Variants in CDH4 observed in about 807,000 individuals in gnomAD.
CDH4 encodes the protein cadherin-4.
CDH4 carries 33 observed loss-of-function variants against 86.0 expected under a neutral mutation model. The ratio of observed to expected loss-of-function variants is 0.38; its 90% CI spans 0.29 to 0.51. The LOEUF (loss-of-function observed/expected upper bound fraction) is 0.51, where lower values mean the gene tolerates loss of function less well. Among genes scored for constraint, CDH4 ranks in the 20% least tolerant of loss-of-function variants. CDH4 has a pLI of 0.86. For missense variants in CDH4, 1,114 were observed against 1,307.4 expected (o/e 0.85, Z 2.28); for synonymous variants, 555 against 549.4 (o/e 1.01, Z -0.14).
At chr20:61,678,889 A>G (rs778411832) in intron 2 of CDH4, among the ~76,000 whole-genome samples, 10 of 152,194 alleles carry the variant, frequency 6.6e-5, no homozygotes, top group Middle Eastern at 3.2e-3. Flanking sequence ...CTCTAATTAC[A>G]CTGGCAGATA....
chr20:61,828,237 GAA>G (rs1330375028), intron 4 of CDH4, among the ~76,000 whole-genome samples: 1 of 152,148 alleles, frequency 6.6e-6, no homozygotes, highest in Non-Finnish European at 1.5e-5. Context: ...GAGAGACCAA[GAA>G]AAAGAGAGAA....
chr20:61,606,187 C>T lies in CDH4; in HGVS notation c.170-137376C>T, dbSNP rs573112613. Among the ~76,000 whole-genome samples, 14 of 152,290 alleles carry T rather than the reference C, an allele frequency of 9.2e-5. No individual in the cohort carries two copies. In the South Asian group the frequency reaches 2.7e-3, roughly 29 times the overall value. Reference sequence around the variant, plus strand: ...ACCTCCCCCTGTGGCTCAATGTCCACGCAGCAGATGTGGATAGAAGGTGGC... The same window carrying T: ...ACCTCCCCCTGTGGCTCAATGTCCATGCAGCAGATGTGGATAGAAGGTGGC... On this transcript the variant is annotated intron_variant, in intron 2 of 15. Transcript: ENST00000614565.
In CDH4 at chr20:61,393,787, T is replaced by TA. The variant is rs1318800687; in HGVS notation, c.169+138851dup. Reference sequence around the variant, plus strand: ...TCCTGGAGACCGTGCAGTGAACTCTTACACCCCAGGGCTCAGTGTGTGAGA... The same window carrying TA: ...TCCTGGAGACCGTGCAGTGAACTCTTAACACCCCAGGGCTCAGTGTGTGAGA... On this transcript the variant is annotated intron_variant, in intron 2 of 15. Transcript: ENST00000614565. The surrounding 1 kb of genome is among the most constrained non-coding windows in gnomAD (Gnocchi z 4.3). 6.6e-6 allele frequency among the ~76,000 whole-genome samples: 1 copy of TA among 152,076 alleles called. No homozygotes were observed. The highest frequency in any genetic ancestry group is 2.4e-5 in the African/African-American group (1 of 41,400).
At position 61,392,866 on chromosome 20, in the gene CDH4, G is replaced by A. The variant is rs2084994224; in HGVS notation, c.169+137929G>A. 2.0e-5 allele frequency among the ~76,000 whole-genome samples: 3 copies of A among 151,984 alleles called. No homozygotes were observed. The South Asian group carries it at 6.3e-4, about 32-fold the overall frequency. On this transcript the variant is annotated intron_variant, in intron 2 of 15. Coordinates refer to ENST00000614565, the MANE Select transcript of CDH4 (RefSeq NM_001794.5). The surrounding 1 kb of genome is among the most constrained non-coding windows in gnomAD (Gnocchi z 5.7). Reference sequence around the variant, plus strand: ...TCCATTAGCCCCTCCACCATCCCCTGTGTCACTGCACTAAGTAAAGCCAGT... The same window carrying A: ...TCCATTAGCCCCTCCACCATCCCCTATGTCACTGCACTAAGTAAAGCCAGT...
intron 2 of CDH4, among the ~76,000 whole-genome samples, chr20:61,322,798 G>T (rs533317363): frequency 6.6e-6 from 1 of 152,214 alleles, no homozygotes; most frequent in Non-Finnish European, 1.5e-5. Context: ...TGGGGTGGGG[G>T]CCCCTGGTTC....
chr20:61,485,075 G>A (rs73915070), intron 2 of CDH4, among the ~76,000 whole-genome samples: 2,265 of 152,206 alleles, frequency 0.015, 63 homozygotes, highest in African/African-American at 0.053. Context: ...GCTTCATTTC[G>A]TGAAATGAAT....
rs2087449057 is a variant in CDH4, at chr20:61,676,793, G to A, written c.170-66770G>A. Among the ~76,000 whole-genome samples the A allele has an allele frequency of 6.6e-6, 1 of 152,254 alleles. No individual in the cohort carries two copies. The highest frequency in any genetic ancestry group is 2.4e-5 in the African/African-American group (1 of 41,462). The stretch of plus-strand genomic sequence containing the variant: ...CTGCGAGAAAGGGAAAGTGGGATCA[G>A]GATGAGGCTTGGAGTGGAAGGGGGT... On this transcript the variant is annotated intron_variant, in intron 2 of 15. Coordinates refer to ENST00000614565, the MANE Select transcript of CDH4 (RefSeq NM_001794.5). The surrounding 1 kb of genome is among the most constrained non-coding windows in gnomAD (Gnocchi z 4.5).
At chr20:61,773,241 C>A in intron 4 of CDH4, 59 bp downstream of exon 4, 1 of 1,435,406 alleles carries the variant, frequency 7.0e-7, no homozygotes, top group South Asian at 1.5e-5. Flanking sequence ...AGGCTCTTCT[C>A]CCGACATCCC....
intron 2 of CDH4, among the ~76,000 whole-genome samples, chr20:61,584,702 T>G (rs2086456693): frequency 6.6e-6 from 1 of 151,814 alleles, no homozygotes; most frequent in African/African-American, 2.4e-5. Context: ...GTGTGCTTAG[T>G]GGGGGTGGGG....
intron 4 of CDH4, among the ~76,000 whole-genome samples, chr20:61,817,649 G>A (rs1980792495): frequency 6.6e-6 from 1 of 152,152 alleles, no homozygotes; most frequent in African/African-American, 2.4e-5. Flanking sequence ...AGTGCCCCGA[G>A]GTCACAGGTG....
At chr20:61,915,307 C>G (rs1434146393) in intron 9 of CDH4, among the ~76,000 whole-genome samples, 15 of 152,224 alleles carry the variant, frequency 9.9e-5, no homozygotes, top group Non-Finnish European at 1.5e-5. Flanking sequence ...AGGCTGAGGG[C>G]TGGCTGGGCT....
At chr20:61,776,130 T>C (rs937774324) in intron 4 of CDH4, among the ~76,000 whole-genome samples, 8 of 152,168 alleles carry the variant, frequency 5.3e-5, no homozygotes, top group African/African-American at 1.7e-4. Flanking sequence ...GTCCTGTTGA[T>C]GAGAACGTTT....
rs2088371827 is a variant in CDH4 at position 61,743,666 on chromosome 20, G to A, written c.273G>A (p.Leu91=). Residue 91 remains leucine (L), a synonymous_variant, in exon 3 of 16, where the codon CTG becomes CTA. Coordinates refer to ENST00000614565, the MANE Select transcript of CDH4 (RefSeq NM_001794.5). The part of the protein sequence containing the change: ...ADGTVFATRE[L]QVPSEQVAFT... Reference sequence around the variant, plus strand: ...GGACAGTCTTCGCCACCCGGGAGCTGCAGGTCCCCTCCGAGCAGGTGGCGT... The same window carrying A: ...GGACAGTCTTCGCCACCCGGGAGCTACAGGTCCCCTCCGAGCAGGTGGCGT... The A allele has an allele frequency of 1.2e-6, 2 of 1,602,764 alleles. No homozygotes were observed. Among genetic ancestry groups the A allele is most frequent in the Non-Finnish European group, 1.7e-6 (2 of 1,174,812 alleles).
intron 2 of CDH4, among the ~76,000 whole-genome samples, chr20:61,444,597 A>G (rs1276362120): frequency 1.1e-5 from 1 of 91,144 alleles, no homozygotes; most frequent in Non-Finnish European, 2.2e-5. Context: ...ATCTGTGTGT[A>G]TATGTATGTG....
intron 2 of CDH4, among the ~76,000 whole-genome samples, chr20:61,341,090 T>C (rs1463667880): frequency 6.6e-6 from 1 of 152,222 alleles, no homozygotes; most frequent in Non-Finnish European, 1.5e-5. Context: ...ACAGTCACGA[T>C]CCTGGCCTTC....
At position 61,879,556 on chromosome 20, in the gene CDH4, C is replaced by T. The variant is rs1460958190; in HGVS notation, c.1050+5656C>T. Among the ~76,000 whole-genome samples, 1 of 152,136 alleles carries T rather than the reference C, an allele frequency of 6.6e-6. No homozygotes were observed. The highest frequency in any genetic ancestry group is 1.5e-5 in the Non-Finnish European group (1 of 68,030). ...TAGGCAGAGCTATGTAAATTGAGCG[C>T]TTCTACTTGATTAAGATGTCAGGAG... On this transcript the variant is annotated intron_variant, in intron 7 of 15. Transcript: ENST00000614565. This position sits in a 1 kb window ranked among gnomAD's most constrained non-coding sequence, Gnocchi z 4.1.
intron 2 of CDH4, among the ~76,000 whole-genome samples, chr20:61,413,190 GC>G (rs1343179182): frequency 1.1e-4 from 9 of 84,986 alleles, no homozygotes; most frequent in South Asian, 3.7e-4. Context: ...GAGCTTCCCC[GC>G]CCCCCACCCC....
At chr20:61,291,183 C>T (rs1324144489) in intron 2 of CDH4, among the ~76,000 whole-genome samples, 1 of 152,194 alleles carries the variant, frequency 6.6e-6, no homozygotes, top group East Asian at 1.9e-4. Flanking sequence ...ACTGGCCTGA[C>T]TCACACCTTG....
intron 2 of CDH4, among the ~76,000 whole-genome samples, chr20:61,258,329 CAAAAAA>C (rs778048684): frequency 2.7e-4 from 17 of 62,360 alleles, no homozygotes; most frequent in South Asian, 1.1e-3. Flanking sequence ...GACTCCGTCT[CAAAAAA>C]AAAAAAAAAA....
Sources: allele counts gnomAD v4.1 joint callset (sites outside exome capture counted in the v4.1 genomes callset), GRCh38; gene constraint gnomAD v4.1.1; non-coding constraint Gnocchi (gnomAD v3.1); transcripts MANE v1.5; gene names NCBI Gene and HGNC (gene_info 2026-07-23, HGNC 2026-07-21).